Variants in CTNNA2 observed in about 807,000 individuals in gnomAD.
CTNNA2 encodes the protein catenin alpha-2.
In CTNNA2, 42 loss-of-function variants were observed where a neutral mutation model predicts 101.0. The observed-to-expected ratio is 0.42, with a 90% CI of 0.32 to 0.54. The LOEUF is 0.54. Ranked by LOEUF, CTNNA2 falls within the 20% of genes least tolerant of loss-of-function variation. The probability of loss-of-function intolerance (pLI) is 0.14; values close to 1 mark genes in which losing one functional copy is unlikely to be tolerated. For missense variants in CTNNA2, 871 were observed against 1,223.1 expected (o/e 0.71, Z 4.29); for synonymous variants, 450 against 456.4 (o/e 0.99, Z 0.18).
At chr2:79,587,537 G>A (rs917303360) in intron 1 of CTNNA2, among the ~76,000 whole-genome samples, 5 of 151,618 alleles carry the variant, frequency 3.3e-5, no homozygotes, top group Non-Finnish European at 4.4e-5. Flanking sequence ...CACTTCTCTC[G>A]CTCTTTTCCT....
chr2:79,827,035 A>C (rs1162048859), intron 3 of CTNNA2, among the ~76,000 whole-genome samples: 1 of 151,410 alleles, frequency 6.6e-6, no homozygotes, highest in Non-Finnish European at 1.5e-5. Flanking sequence ...TTAGACTGTA[A>C]TTTTTTTTTG....
chr2:79,858,238 T>C lies in CTNNA2; in HGVS notation c.465+59T>C, dbSNP rs540738363. The C allele has an allele frequency of 9.7e-5, 134 of 1,380,466 alleles. 1 individual carries two copies. In the African/African-American group the frequency reaches 1.6e-3, roughly 17 times the overall value. The allele number at this position is 1,380,466 out of a possible 1,614,324, so 85.5% of individuals were successfully genotyped here. ...TGTGAGTGGCAATCTTGACCGTGTG[T>C]ATTACAGCTCTGGCCTCTACTCTAG... On this transcript the variant is annotated intron_variant, in intron 4 of 18. Transcript: ENST00000402739.
chr2:80,345,638 A>G (rs1008721690), intron 7 of CTNNA2, among the ~76,000 whole-genome samples: 16 of 152,036 alleles, frequency 1.1e-4, no homozygotes, highest in East Asian at 5.8e-4. Flanking sequence ...AGAGTACCTG[A>G]TGCATGGTAG....
chr2:79,603,956 G>A (rs1470650146), intron 1 of CTNNA2, among the ~76,000 whole-genome samples: 1 of 152,112 alleles, frequency 6.6e-6, no homozygotes, highest in East Asian at 1.9e-4. Flanking sequence ...CTGAGAGAGC[G>A]AGTCCACCAA....
intron 1 of CTNNA2, among the ~76,000 whole-genome samples, chr2:79,534,777 A>T (rs768457774): frequency 6.6e-6 from 1 of 151,998 alleles, no homozygotes; most frequent in African/African-American, 2.4e-5. Flanking sequence ...GCTGTGTTTT[A>T]TATAGCTTTC....
In CTNNA2 at chr2:80,363,520, A is replaced by G. The variant is rs566212964; in HGVS notation, c.1057-29691A>G. Among the ~76,000 whole-genome samples, 319 of 152,274 alleles carry G rather than the reference A, an allele frequency of 2.1e-3. 9 individuals carry two copies. The highest frequency in any genetic ancestry group is 6.8e-3 in the Middle Eastern group (2 of 294). On this transcript the variant is annotated intron_variant, in intron 7 of 18. Coordinates refer to ENST00000402739, the MANE Select transcript of CTNNA2 (RefSeq NM_001282597.3). ...TTGGGCTTTGTTCTTCAGACATGGA[A>G]TTCATCACCTTCGTGGTGATGAATC...
chr2:80,105,440 T>C (rs1285148266), intron 7 of CTNNA2, among the ~76,000 whole-genome samples: 3 of 152,238 alleles, frequency 2.0e-5, no homozygotes, highest in African/African-American at 7.2e-5. Flanking sequence ...AAGACTTAAC[T>C]TGGCTGAGTG....
At chr2:79,698,903 A>G (rs756798128) in intron 2 of CTNNA2, among the ~76,000 whole-genome samples, 19 of 152,254 alleles carry the variant, frequency 1.2e-4, no homozygotes, top group Non-Finnish European at 2.2e-4. Flanking sequence ...AGTAAAGGGC[A>G]GTCTTCTACT....
At chr2:80,215,286 C>T (rs955743457) in intron 7 of CTNNA2, among the ~76,000 whole-genome samples, 2 of 152,184 alleles carry the variant, frequency 1.3e-5, no homozygotes, top group Non-Finnish European at 2.9e-5. Context: ...CATTCTTTAT[C>T]CAGCTTTGTT....
chr2:79,672,203 G>A lies in CTNNA2; in HGVS notation c.102+20545G>A, dbSNP rs764922244. ...GGTTAACAAAATCCCTGGCCCCTGC[G>A]TTGGGTTCTTGAAGTTCGTAGTTAT... On this transcript the variant is annotated intron_variant, in intron 2 of 18. Coordinates refer to ENST00000402739, the MANE Select transcript of CTNNA2 (RefSeq NM_001282597.3). 6.6e-5 allele frequency among the ~76,000 whole-genome samples: 10 copies of A among 152,200 alleles called. No homozygotes were observed. The South Asian group carries it at 8.3e-4, about 13-fold the overall frequency.
chr2:79,526,379 T>C (rs1672405845), intron 1 of CTNNA2, among the ~76,000 whole-genome samples: 1 of 151,830 alleles, frequency 6.6e-6, no homozygotes, highest in Non-Finnish European at 1.5e-5. Flanking sequence ...TGTTCACAAA[T>C]GGGAAGACTT....
intron 12 of CTNNA2, among the ~76,000 whole-genome samples, chr2:80,558,816 C>T (rs1337462195): frequency 2.0e-5 from 3 of 151,854 alleles, no homozygotes; most frequent in Non-Finnish European, 2.9e-5. Flanking sequence ...TTGTTGTTGC[C>T]ACACCTACTA....
chr2:79,212,662 G>A (rs563973206), intron 2 of CTNNA2, among the ~76,000 whole-genome samples: 3 of 150,876 alleles, frequency 2.0e-5, no homozygotes, highest in Admixed American at 6.6e-5. Context: ...AGGCCAAACC[G>A]AGTAATTATG....
intron 7 of CTNNA2, among the ~76,000 whole-genome samples, chr2:80,080,530 A>G (rs1228197425): frequency 6.6e-6 from 1 of 152,218 alleles, no homozygotes; most frequent in Non-Finnish European, 1.5e-5. Flanking sequence ...GAAACATGGG[A>G]GAATAGCTTT....
chr2:79,884,995 T>A (rs1683742504), intron 6 of CTNNA2, among the ~76,000 whole-genome samples: 1 of 152,102 alleles, frequency 6.6e-6, no homozygotes, highest in Non-Finnish European at 1.5e-5. Flanking sequence ...TTATCCCAGT[T>A]GTAGGCTTCT....
chr2:80,325,317 A>G (rs1299853176), intron 7 of CTNNA2, among the ~76,000 whole-genome samples: 1 of 152,148 alleles, frequency 6.6e-6, no homozygotes, highest in Non-Finnish European at 1.5e-5. Flanking sequence ...AAGGATGATG[A>G]GTTTCTTTCA....
At chr2:80,556,682 CT>C (rs1693066613) in intron 12 of CTNNA2, among the ~76,000 whole-genome samples, 1 of 152,002 alleles carries the variant, frequency 6.6e-6, no homozygotes, top group African/African-American at 2.4e-5. Context: ...TGACCAATGT[CT>C]TTTGGCTTCC....
intron 7 of CTNNA2, among the ~76,000 whole-genome samples, chr2:80,063,962 A>G (rs1454017651): frequency 6.6e-6 from 1 of 152,220 alleles, no homozygotes; most frequent in Non-Finnish European, 1.5e-5. Context: ...GCAGGCTGTC[A>G]CACCAGTATA....
At chr2:79,659,974 C>A (rs1681905804) in intron 2 of CTNNA2, among the ~76,000 whole-genome samples, 1 of 152,144 alleles carries the variant, frequency 6.6e-6, no homozygotes, top group Admixed American at 6.5e-5. Context: ...GCCTGAGCAA[C>A]AGCATGAGAT....
Sources: allele counts gnomAD v4.1 joint callset (sites outside exome capture counted in the v4.1 genomes callset), GRCh38; gene constraint gnomAD v4.1.1; transcripts MANE v1.5; gene names NCBI Gene and HGNC (gene_info 2026-07-23, HGNC 2026-07-21).